The following MARCHF1 variants were observed in gnomAD, a reference collection of about 807,000 sequenced individuals.
MARCHF1 encodes the protein E3 ubiquitin-protein ligase MARCHF1.
Under a neutral mutation model 54.2 loss-of-function variants are expected in MARCHF1, and 40 were observed. The observed-to-expected ratio is 0.74, with a 90% CI of 0.57 to 0.96. MARCHF1 has a LOEUF of 0.96. Among genes scored for constraint, MARCHF1 ranks in the 40% least tolerant of loss-of-function variants. The probability of loss-of-function intolerance (pLI) is 0.00; values close to 1 mark genes in which losing one functional copy is unlikely to be tolerated. For missense variants in MARCHF1, 586 were observed against 656.5 expected (o/e 0.89, Z 1.17); for synonymous variants, 236 against 236.3 (o/e 1.00, Z 0.01).
chr4:163,808,955 T>C (rs1748305918), intron 4 of MARCHF1, among the ~76,000 whole-genome samples: 1 of 152,184 alleles, frequency 6.6e-6, no homozygotes, highest in Non-Finnish European at 1.5e-5. Context: ...CTGTCTCGTC[T>C]ATTTCATACA....
intron 2 of MARCHF1, among the ~76,000 whole-genome samples, chr4:164,057,392 CTTAA>C (rs1754516581): frequency 6.6e-6 from 1 of 152,128 alleles, no homozygotes; most frequent in African/African-American, 2.4e-5. Flanking sequence ...GTAACACATA[CTTAA>C]TTATTTTTCT....
At chr4:163,896,628 C>T (rs1421773456) in intron 3 of MARCHF1, among the ~76,000 whole-genome samples, 1 of 152,152 alleles carries the variant, frequency 6.6e-6, no homozygotes, top group Non-Finnish European at 1.5e-5. Context: ...CCTCTCTCTC[C>T]TTTGTTTGAA....
At chr4:164,370,600 T>C (rs1229684953) in intron 1 of MARCHF1, among the ~76,000 whole-genome samples, 1 of 152,096 alleles carries the variant, frequency 6.6e-6, no homozygotes, top group Non-Finnish European at 1.5e-5. Flanking sequence ...CATAGACTAT[T>C]TCATGGAATT....
chr4:164,143,659 G>A (rs1729563369), intron 1 of MARCHF1, among the ~76,000 whole-genome samples: 1 of 152,242 alleles, frequency 6.6e-6, no homozygotes, highest in East Asian at 1.9e-4. Context: ...CCCTAAAAGA[G>A]CTCCTGAAAG....
intron 1 of MARCHF1, among the ~76,000 whole-genome samples, chr4:164,340,414 G>GATATATATATAT (rs70952623): frequency 1.1e-5 from 1 of 93,376 alleles, no homozygotes; most frequent in African/African-American, 3.6e-5. Context: ...TTTATATATA[G>GATATATATATAT]ATATATATAT....
intron 1 of MARCHF1, among the ~76,000 whole-genome samples, chr4:164,264,247 A>G (rs899492359): frequency 1.3e-5 from 2 of 152,178 alleles, no homozygotes; most frequent in Non-Finnish European, 2.9e-5. Flanking sequence ...CAGAAAACCA[A>G]ATACAGCATA....
chr4:163,607,671 G>T (rs562817190), intron 7 of MARCHF1, among the ~76,000 whole-genome samples: 2 of 152,174 alleles, frequency 1.3e-5, no homozygotes, highest in South Asian at 2.1e-4. Flanking sequence ...TAGACATTTG[G>T]CTTTTCAAAT....
chr4:164,321,333 G>T (rs890787581), intron 1 of MARCHF1, among the ~76,000 whole-genome samples: 1 of 152,124 alleles, frequency 6.6e-6, no homozygotes, highest in African/African-American at 2.4e-5. Flanking sequence ...AGTAAATGAC[G>T]CAGTGGATGA....
intron 7 of MARCHF1, among the ~76,000 whole-genome samples, chr4:163,612,037 A>ATT (rs1741358899): frequency 6.6e-6 from 1 of 152,088 alleles, no homozygotes; most frequent in Non-Finnish European, 1.5e-5. Context: ...AGGATAAATC[A>ATT]TTATTCAGTT....
intron 3 of MARCHF1, among the ~76,000 whole-genome samples, chr4:163,867,976 G>A (rs1750090630): frequency 1.3e-5 from 2 of 151,654 alleles, no homozygotes; most frequent in African/African-American, 4.8e-5. Flanking sequence ...TATTTTGCCT[G>A]GTTACTTACC....
intron 3 of MARCHF1, among the ~76,000 whole-genome samples, chr4:163,944,863 T>C (rs1002667595): frequency 6.6e-6 from 1 of 152,202 alleles, no homozygotes; most frequent in Non-Finnish European, 1.5e-5. Flanking sequence ...GCAAGAGTAA[T>C]ATCAATTTAA....
chr4:164,065,990 A>T (rs1489670222), intron 2 of MARCHF1, among the ~76,000 whole-genome samples: 2 of 152,110 alleles, frequency 1.3e-5, no homozygotes, highest in African/African-American at 4.8e-5. Flanking sequence ...GGTCTTCCTC[A>T]CCCAGTCCAC....
At chr4:164,158,908 C>G (rs918778614) in intron 1 of MARCHF1, among the ~76,000 whole-genome samples, 12 of 152,122 alleles carry the variant, frequency 7.9e-5, no homozygotes, top group Non-Finnish European at 1.6e-4. Flanking sequence ...GAGAATCATC[C>G]TCCTCCTAAA....
At chr4:163,931,747 G>A (rs1751681950) in intron 3 of MARCHF1, among the ~76,000 whole-genome samples, 2 of 152,168 alleles carry the variant, frequency 1.3e-5, no homozygotes, top group Admixed American at 6.6e-5. Flanking sequence ...ATACACCAAT[G>A]ACAGATGTTT....
chr4:164,288,258 G>A (rs945813635), intron 1 of MARCHF1, among the ~76,000 whole-genome samples: 28 of 152,172 alleles, frequency 1.8e-4, no homozygotes, highest in African/African-American at 6.5e-4. Flanking sequence ...AAAAGCTAGA[G>A]CCACTTGGAA....
intron 8 of MARCHF1, among the ~76,000 whole-genome samples, chr4:163,574,488 T>C (rs1198694211): frequency 2.0e-5 from 3 of 148,912 alleles, no homozygotes; most frequent in Non-Finnish European, 3.0e-5. Flanking sequence ...AATTGATTTT[T>C]GTATAAGGTG....
At chr4:164,210,764 C>T (rs978730522) in intron 1 of MARCHF1, among the ~76,000 whole-genome samples, 1 of 152,074 alleles carries the variant, frequency 6.6e-6, no homozygotes, top group African/African-American at 2.4e-5. Context: ...TTCATTTCTA[C>T]ATTATTGACA....
At chr4:164,008,920 AT>A (rs887091541) in intron 2 of MARCHF1, among the ~76,000 whole-genome samples, 6 of 152,046 alleles carry the variant, frequency 3.9e-5, no homozygotes, top group Admixed American at 6.5e-5. Flanking sequence ...ACCTCAAGGA[AT>A]AAAAAACCCA....
At chr4:163,599,297 T>TTATATATATATATATATATATA (rs150458467) in intron 7 of MARCHF1, among the ~76,000 whole-genome samples, 226 of 146,700 alleles carry the variant, frequency 1.5e-3, no homozygotes, top group African/African-American at 4.3e-3. Flanking sequence ...CTCAAAAAAA[T>TTATATATATATATATATATATA]TATATATATA....
Sources: gnomAD v4.1 joint callset for allele counts (sites outside exome capture counted in the v4.1 genomes callset) on GRCh38, gnomAD v4.1.1 for gene constraint, MANE v1.5 for transcripts, NCBI Gene and HGNC (gene_info 2026-07-23, HGNC 2026-07-21) for gene names.